The following COX4I1 variants were observed in gnomAD, a reference collection of about 807,000 sequenced individuals.
The protein encoded by COX4I1 is cytochrome c oxidase subunit 4I1.
In COX4I1, 18 loss-of-function variants were observed where a neutral mutation model predicts 21.7. The observed-to-expected ratio is 0.83, with a 90% CI of 0.57 to 1.23. The LOEUF is 1.23. Ranked by LOEUF, COX4I1 falls within the 50% of genes most tolerant of loss-of-function variation. The probability of loss-of-function intolerance (pLI) is 0.00; values close to 1 mark genes in which losing one functional copy is unlikely to be tolerated. For missense variants in COX4I1, 238 were observed against 220.7 expected (o/e 1.08, Z -0.50); for synonymous variants, 100 against 81.5 (o/e 1.23, Z -1.23).
In COX4I1 at chr16:85,800,498, C is replaced by G. The variant is rs151060694; in HGVS notation, c.-1-707C>G. On this transcript the variant is annotated intron_variant, in intron 1 of 4. Coordinates refer to ENST00000253452, the MANE Select transcript of COX4I1 (RefSeq NM_001861.6). ...TTTAAACACTCAGTTGAATGTGATGCGTGCCACGGTCCCTGTGAGCTGTCA... is the reference window on the plus strand; with the variant it reads ...TTTAAACACTCAGTTGAATGTGATGGGTGCCACGGTCCCTGTGAGCTGTCA... Among the ~76,000 whole-genome samples, 423 of 152,346 alleles carry G rather than the reference C, an allele frequency of 2.8e-3. 4 individuals carry two copies. In the East Asian group the frequency reaches 0.041, roughly 15 times the overall value.
chr16:85,806,046 G>T, intron 4 of COX4I1, 182 bp downstream of exon 4: 1 of 794,946 alleles, frequency 1.3e-6, no homozygotes, highest in Non-Finnish European at 2.0e-6. Context: ...TGGGAGGTTA[G>T]TTTATAAGCC....
chr16:85,806,224 GTCTGGACTGTTGTGAGGACTGCA>G, intron 4 of COX4I1: 1 of 590,596 alleles, frequency 1.7e-6, no homozygotes, highest in Non-Finnish European at 3.0e-6. Context: ...TTGAATGACT[GTCTGGACTGTTGTGAGGACTGCA>G]TCTCAACAGC....
intron 4 of COX4I1, 144 bp downstream of exon 4, chr16:85,806,008 G>A: frequency 1.7e-6 from 2 of 1,204,178 alleles, no homozygotes; most frequent in Non-Finnish European, 2.3e-6. Context: ...TTGTTTCCAG[G>A]CCTTGGTGAC....
intron 3 of COX4I1, 70 bp from the exon 4 acceptor site, chr16:85,805,663 T>C: frequency 4.4e-6 from 7 of 1,596,014 alleles, no homozygotes; most frequent in Non-Finnish European, 6.0e-6. Flanking sequence ...TGGGGAGAAG[T>C]GGTTGAATGT....
intron 4 of COX4I1, 102 bp downstream of exon 4, chr16:85,805,966 A>G: frequency 6.7e-7 from 1 of 1,485,932 alleles, no homozygotes; most frequent in Non-Finnish European, 9.3e-7. Flanking sequence ...AGGCTATGAG[A>G]TAGGGACTGC....
chr16:85,802,414 C>A (rs1193132052), intron 2 of COX4I1, among the ~76,000 whole-genome samples: 1 of 152,196 alleles, frequency 6.6e-6, no homozygotes, highest in East Asian at 1.9e-4. Context: ...GGCCAGGGAG[C>A]CTGCCTGTCT....
At chr16:85,805,958 G>A (rs1424220210) in intron 4 of COX4I1, 94 bp downstream of exon 4, 10 of 1,540,184 alleles carry the variant, frequency 6.5e-6, no homozygotes, top group South Asian at 1.2e-5. Context: ...ATACCTTGAG[G>A]CTATGAGATA....
Position 85,806,759 on chromosome 16 carries a change from G to C in COX4I1, c.395G>C (p.Ser132Thr), listed in dbSNP as rs748913859. 1 of 1,614,024 alleles carries C rather than the reference G, an allele frequency of 6.2e-7. No homozygotes were observed. Among genetic ancestry groups the C allele is most frequent in the African/African-American group, 1.3e-5 (1 of 74,910 alleles). The part of the protein sequence containing the change: ...KHYVYGPLPQ[S>T]FDKEWVAKQT... ...GTAGTGTACGGCCCCCTCCCGCAAAGCTTTGACAAAGAGTGGGTGGCCAAG... is the reference window on the plus strand; with the variant it reads ...GTAGTGTACGGCCCCCTCCCGCAAACCTTTGACAAAGAGTGGGTGGCCAAG... Residue 132 changes from serine (S) to threonine (T), a missense_variant, in exon 5 of 5, where the codon AGC becomes ACC. Ser to Thr is a moderately conservative substitution (Grantham distance 58). Coordinates refer to ENST00000253452, the MANE Select transcript of COX4I1 (RefSeq NM_001861.6).
intron 2 of COX4I1, among the ~76,000 whole-genome samples, chr16:85,802,488 A>C (rs1369509504): frequency 6.6e-6 from 1 of 152,258 alleles, no homozygotes; most frequent in Admixed American, 6.5e-5. Context: ...CTCTTAGACA[A>C]GTCTTCTCTG....
chr16:85,806,334 C>G, intron 4 of COX4I1: 1 of 629,982 alleles, frequency 1.6e-6, no homozygotes. Context: ...TGACTCTTCC[C>G]CGAGGTTCTT....
chr16:85,801,825 T>G (rs13338794), intron 2 of COX4I1, among the ~76,000 whole-genome samples: 2,537 of 152,104 alleles, frequency 0.017, 81 homozygotes, highest in African/African-American at 0.057. Context: ...GTATCTGGCG[T>G]CTATCTACTT....
intron 1 of COX4I1, among the ~76,000 whole-genome samples, chr16:85,800,925 C>T (rs1049223510): frequency 5.3e-5 from 8 of 152,268 alleles, no homozygotes; most frequent in African/African-American, 1.4e-4. Flanking sequence ...CGCCCGGCCT[C>T]TCCTTGTTTT....
At chr16:85,802,546 T>C (rs927149161) in intron 2 of COX4I1, among the ~76,000 whole-genome samples, 2 of 7,052 alleles carry the variant, frequency 2.8e-4, no homozygotes, top group Non-Finnish European at 0.038. Flanking sequence ...CATGAATGTG[T>C]TCTCAACATA....
chr16:85,802,655 G>A (rs1259394546), intron 2 of COX4I1, among the ~76,000 whole-genome samples: 1 of 152,236 alleles, frequency 6.6e-6, no homozygotes, highest in African/African-American at 2.4e-5. Context: ...AGATATACCA[G>A]ATCTCCCCAG....
chr16:85,806,028 T>G, intron 4 of COX4I1, 164 bp downstream of exon 4: 1 of 978,752 alleles, frequency 1.0e-6, no homozygotes, highest in Non-Finnish European at 1.5e-6. Context: ...CCTGGAGAAC[T>G]GAAGTCGTGG....
rs746541450 is a variant in COX4I1 at position 85,801,297 on chromosome 16, A to T, written c.73+19A>T. On this transcript the variant is annotated intron_variant, in intron 2 of 4. Coordinates refer to ENST00000253452, the MANE Select transcript of COX4I1 (RefSeq NM_001861.6). ...GCTCATGGTAAGTGTGACTTTTCTT[A>T]CTTTTAAATAGGCTGAACTAATTTC... is the stretch of plus-strand genomic sequence containing the variant. The T allele has an allele frequency of 2.5e-6, 4 of 1,597,542 alleles. No homozygotes were observed. The African/African-American group carries it at 5.4e-5, about 21-fold the overall frequency.
In COX4I1 at chr16:85,801,289, CTT is replaced by C. The variant is rs888984413; in HGVS notation, c.73+14_73+15del. On this transcript the variant is annotated intron_variant, in intron 2 of 4. Transcript: ENST00000253452. ...GTGTACGAGCTCATGGTAAGTGTGA[CTT>C]TTCTTACTTTTAAATAGGCTGAACT... 1.2e-6 allele frequency: 2 copies of C among 1,600,656 alleles called. No homozygotes were observed. The highest frequency in any genetic ancestry group is 1.7e-6 in the Non-Finnish European group (2 of 1,168,804).
intron 2 of COX4I1, among the ~76,000 whole-genome samples, chr16:85,802,144 TCCCCACTTG>T (rs929042376): frequency 4.6e-5 from 7 of 152,150 alleles, no homozygotes; most frequent in African/African-American, 1.7e-4. Context: ...GAACCACCCA[TCCCCACTTG>T]CTCACTGCCC....
At chr16:85,804,785 C>G in intron 2 of COX4I1, 152 bp from the exon 3 acceptor site, 2 of 655,142 alleles carry the variant, frequency 3.1e-6, no homozygotes, top group Non-Finnish European at 2.5e-6. Flanking sequence ...CCACCACACT[C>G]CTGCAACTGT....
Sources: gnomAD v4.1 joint callset for allele counts (sites outside exome capture counted in the v4.1 genomes callset) on GRCh38, gnomAD v4.1.1 for gene constraint, MANE v1.5 for transcripts, NCBI Gene and HGNC (gene_info 2026-07-23, HGNC 2026-07-21) for gene names.